Variants in TMEM94 observed in about 807,000 individuals in gnomAD.
TMEM94 encodes the protein transmembrane protein 94.
In TMEM94, 81 loss-of-function variants were observed where a neutral mutation model predicts 158.6. The ratio of observed to expected loss-of-function variants is 0.51; its 90% CI spans 0.43 to 0.61. The LOEUF (loss-of-function observed/expected upper bound fraction) is 0.61. Among genes scored for constraint, TMEM94 ranks in the 20% least tolerant of loss-of-function variants. The pLI, the probability that TMEM94 is intolerant of heterozygous loss-of-function variation, is 0.00. For missense variants in TMEM94, 1,435 were observed against 1,762.0 expected, an observed-to-expected ratio of 0.81 and a Z score of 3.32; for synonymous variants, 751 against 730.7, an observed-to-expected ratio of 1.03 and a Z score of -0.45.
At chr17:75,488,939 C>T (rs1434619505) in intron 7 of TMEM94, 29 bp downstream of exon 7, 1 of 1,534,224 alleles carries the variant, frequency 6.5e-7, no homozygotes, top group African/African-American at 1.4e-5. Context: ...CTCCTCCTGT[C>T]CCTGGTGTCT....
chr17:75,495,062 G>T lies in TMEM94; in HGVS notation c.2728+28G>T. The T allele has an allele frequency of 6.2e-7, 1 of 1,604,310 alleles. No individual in the cohort carries two copies. The highest frequency in any genetic ancestry group is 8.5e-7 in the Non-Finnish European group (1 of 1,174,362). ...AAGGGCAAAGGCGTGGGGTGGGGAC[G>T]GGGTGGCGGTGGGAGGATTCCCCTC... On this transcript the variant is annotated intron_variant, in intron 20 of 31. Transcript: ENST00000314256. The surrounding 1 kb of genome is among the most constrained non-coding windows in gnomAD (Gnocchi z 5.6).
intron 2 of TMEM94, among the ~76,000 whole-genome samples, chr17:75,478,269 G>A (rs1188825619): frequency 2.8e-5 from 4 of 141,608 alleles, no homozygotes; most frequent in Non-Finnish European, 4.6e-5. Context: ...CGCCCGCCTC[G>A]GCCTCCCAAA....
intron 2 of TMEM94, among the ~76,000 whole-genome samples, chr17:75,483,541 A>G (rs561291285): frequency 6.6e-6 from 1 of 151,114 alleles, no homozygotes; most frequent in East Asian, 2.0e-4. Flanking sequence ...GCTCACTGCA[A>G]CCTCTGCCTC....
At chr17:75,481,288 G>T (rs891989780) in intron 2 of TMEM94, among the ~76,000 whole-genome samples, 1 of 152,250 alleles carries the variant, frequency 6.6e-6, no homozygotes, top group Non-Finnish European at 1.5e-5. Flanking sequence ...TGAGGTCCCC[G>T]CCGGGAGGGC....
At position 75,495,556 on chromosome 17, in the gene TMEM94, CGGG is replaced by C; in HGVS notation, c.2859_2861del (p.Gly954del). The C allele has an allele frequency of 1.2e-6, 2 of 1,613,534 alleles. No individual in the cohort carries two copies. Among genetic ancestry groups the C allele is most frequent in the Non-Finnish European group, 1.7e-6 (2 of 1,180,004 alleles). ...CTGCTTTCTCCAGGCCAAGCTGCCC[CGGG>C]GTATCCACCAAGTGCGGCCCCACCT... On this transcript the variant is annotated inframe_deletion, in exon 22 of 32. Transcript: ENST00000314256. The surrounding 1 kb of genome is among the most constrained non-coding windows in gnomAD (Gnocchi z 5.6).
intron 2 of TMEM94, 157 bp downstream of exon 2, chr17:75,472,086 C>A: frequency 1.5e-6 from 1 of 668,948 alleles, no homozygotes; most frequent in Non-Finnish European, 2.7e-6. Flanking sequence ...ACTGTGACCT[C>A]TTGGCTGGAA....
chr17:75,464,633 T>G (rs1032808413), intron 1 of TMEM94, among the ~76,000 whole-genome samples: 1 of 91,638 alleles, frequency 1.1e-5, no homozygotes, highest in African/African-American at 3.8e-5. Context: ...CCTTCCTTCC[T>G]TCCTTCCTTC....
chr17:75,469,113 C>T (rs1276461843), intron 1 of TMEM94, among the ~76,000 whole-genome samples: 2 of 152,050 alleles, frequency 1.3e-5, no homozygotes, highest in South Asian at 2.1e-4. Flanking sequence ...GGCTGCCCAT[C>T]GTGTGTTCAT....
chr17:75,496,037 C>G lies in TMEM94; in HGVS notation c.3016C>G (p.Leu1006Val), dbSNP rs2052646802. 1 of 1,613,264 alleles carries G rather than the reference C, an allele frequency of 6.2e-7. No homozygotes were observed. The highest frequency in any genetic ancestry group is 8.5e-7 in the Non-Finnish European group (1 of 1,179,920). ...VTCCLGSSAN[L>V]RNSCLFLQSD... is the part of the protein sequence containing the mutation. ...CTGCTGCCTGGGCAGCTCTGCCAACCTGCGGAACAGCTGCCTCTTCCTCCA... is the reference window on the plus strand; with the variant it reads ...CTGCTGCCTGGGCAGCTCTGCCAACGTGCGGAACAGCTGCCTCTTCCTCCA... Residue 1006 changes from leucine (L) to valine (V), a missense_variant, in exon 23 of 32, where the codon CTG becomes GTG. Leu to Val is a conservative substitution (Grantham distance 32). Transcript: ENST00000314256.
intron 9 of TMEM94, 153 bp from the exon 10 acceptor site, chr17:75,490,081 A>C: frequency 9.1e-7 from 1 of 1,095,358 alleles, no homozygotes; most frequent in African/African-American, 1.6e-5. Flanking sequence ...CCGTCTCAAA[A>C]AAAAAAAAAA....
intron 2 of TMEM94, among the ~76,000 whole-genome samples, chr17:75,472,152 C>A (rs560417538): frequency 1.3e-5 from 2 of 152,162 alleles, no homozygotes; most frequent in South Asian, 2.1e-4. Context: ...TTAACACAAC[C>A]GCATGGGAGC....
intron 11 of TMEM94, 113 bp from the exon 12 acceptor site, chr17:75,490,936 G>C: frequency 1.0e-6 from 1 of 975,504 alleles, no homozygotes; most frequent in Non-Finnish European, 1.6e-6. Context: ...TCCCAGAGAA[G>C]TGCCTCTCCA....
chr17:75,492,275 A>T lies in TMEM94; in HGVS notation c.1597-199A>T, dbSNP rs2052271563. The T allele has an allele frequency of 1.4e-6, 2 of 1,426,574 alleles. No homozygotes were observed. The highest frequency in any genetic ancestry group is 5.9e-5 in the Admixed American group (2 of 33,848). 88.4% of individuals were successfully genotyped at this position (1,426,574 alleles called of 1,614,324 possible). A position where few individuals can be genotyped will look rare whatever the true frequency, so the allele number is the denominator to read the frequency against. On this transcript the variant is annotated intron_variant, in intron 14 of 31. Transcript: ENST00000314256. This position sits in a 1 kb window ranked among gnomAD's most constrained non-coding sequence, Gnocchi z 4.4. Reference sequence around the variant, plus strand: ...GTCATGAGATATATTAATAGTCCATAGAAGCAGACAGGAGCCCAAGAAGGA... The same window carrying T: ...GTCATGAGATATATTAATAGTCCATTGAAGCAGACAGGAGCCCAAGAAGGA...
At chr17:75,464,532 A>G (rs1408025988) in intron 1 of TMEM94, among the ~76,000 whole-genome samples, 2 of 152,018 alleles carry the variant, frequency 1.3e-5, no homozygotes, top group African/African-American at 4.8e-5. Context: ...CAGACTCTTC[A>G]GTGACTCCTC....
At chr17:75,474,555 C>G (rs1368349264) in intron 2 of TMEM94, among the ~76,000 whole-genome samples, 1 of 152,128 alleles carries the variant, frequency 6.6e-6, no homozygotes, top group Non-Finnish European at 1.5e-5. Context: ...GCAGGAGAAT[C>G]TCTTGAACTC....
chr17:75,457,039 C>G (rs73360261), intron 1 of TMEM94, among the ~76,000 whole-genome samples: 4 of 152,292 alleles, frequency 2.6e-5, no homozygotes, highest in African/African-American at 9.6e-5. Context: ...GAATCCCTGC[C>G]CCAGGTCTGT....
At chr17:75,463,137 T>TAC (rs2050165684) in intron 1 of TMEM94, among the ~76,000 whole-genome samples, 2 of 77,042 alleles carry the variant, frequency 2.6e-5, no homozygotes, top group African/African-American at 1.7e-4. Context: ...CGTGTATATA[T>TAC]GTATATATAT....
At chr17:75,497,735 C>CAGAG in intron 26 of TMEM94, 46 bp from the exon 27 acceptor site, 1 of 1,481,012 alleles carries the variant, frequency 6.8e-7, no homozygotes, top group South Asian at 1.1e-5. Context: ...AATTGAGGGA[C>CAGAG]AGAGGGTCAT....
In TMEM94 at chr17:75,485,747, G is replaced by T; in HGVS notation, c.145-124G>T. 2.9e-6 allele frequency: 4 copies of T among 1,375,720 alleles called. No individual in the cohort carries two copies. Among genetic ancestry groups the T allele is most frequent in the Non-Finnish European group, 3.9e-6 (4 of 1,018,280 alleles). The allele number at this position is 1,375,720 out of a possible 1,614,324, so 85.2% of individuals were successfully genotyped here. On this transcript the variant is annotated intron_variant, in intron 3 of 31. Coordinates refer to ENST00000314256, the MANE Select transcript of TMEM94 (RefSeq NM_014738.6). The surrounding 1 kb of genome is among the most constrained non-coding windows in gnomAD (Gnocchi z 5.5). ...TGCTGCAGGAGCCCAACAGGCTGGA[G>T]CCCAGCCGAGGTCAAAGAGAGGGGA... is the stretch of plus-strand genomic sequence containing the variant.
Sources: allele counts gnomAD v4.1 joint callset (sites outside exome capture counted in the v4.1 genomes callset), GRCh38; gene constraint gnomAD v4.1.1; non-coding constraint Gnocchi (gnomAD v3.1); transcripts MANE v1.5; gene names NCBI Gene and HGNC (gene_info 2026-07-23, HGNC 2026-07-21).